Variants in STIMATE observed in about 807,000 individuals in gnomAD.
STIMATE encodes the protein store-operated calcium entry regulator STIMATE.
In STIMATE, 15 loss-of-function variants were observed where a neutral mutation model predicts 36.7. That is an observed-to-expected ratio of 0.41 (90% CI 0.27 to 0.63). The LOEUF (loss-of-function observed/expected upper bound fraction) is 0.63, where lower values mean the gene tolerates loss of function less well. Ranked by LOEUF, STIMATE falls within the 20% of genes least tolerant of loss-of-function variation. The probability of loss-of-function intolerance (pLI) is 0.32; values close to 1 mark genes in which losing one functional copy is unlikely to be tolerated. For missense variants in STIMATE, 305 were observed against 397.3 expected (o/e 0.77, Z 1.98); for synonymous variants, 163 against 162.3 (o/e 1.00, Z -0.03).
intron 1 of STIMATE, among the ~76,000 whole-genome samples, chr3:52,856,868 G>A (rs995459422): frequency 1.3e-5 from 2 of 152,178 alleles, no homozygotes; most frequent in Admixed American, 6.5e-5. Context: ...TTGAAGCTAC[G>A]TATCCTCCAC....
intron 1 of STIMATE, among the ~76,000 whole-genome samples, chr3:52,882,673 C>T (rs1701626632): frequency 6.6e-6 from 1 of 152,114 alleles, no homozygotes; most frequent in South Asian, 2.1e-4. Context: ...TTTCCTTTCC[C>T]CTATTCTACT....
chr3:52,864,094 C>T (rs538063302), intron 1 of STIMATE, among the ~76,000 whole-genome samples: 12 of 152,356 alleles, frequency 7.9e-5, no homozygotes, highest in South Asian at 2.1e-4. Context: ...CTCCACTAGG[C>T]GGTACCCCAG....
At chr3:52,875,745 A>AC (rs1288718092) in intron 1 of STIMATE, among the ~76,000 whole-genome samples, 1 of 152,108 alleles carries the variant, frequency 6.6e-6, no homozygotes, top group East Asian at 1.9e-4. Flanking sequence ...ACTAGGATAA[A>AC]CCCCCAGTGC....
rs1009835266 is a variant in STIMATE at position 52,852,826 on chromosome 3, G to C, written c.210-128C>G. 6 of 1,163,626 alleles carry C rather than the reference G, an allele frequency of 5.2e-6. No homozygotes were observed. In the African/African-American group the frequency reaches 7.8e-5, roughly 15 times the overall value. 72.1% of individuals were successfully genotyped at this position (1,163,626 alleles called of 1,614,324 possible). A position where few individuals can be genotyped will look rare whatever the true frequency, so the allele number is the denominator to read the frequency against. On this transcript the variant is annotated intron_variant, in intron 2 of 7. Transcript: ENST00000355083. ...TCCAATCACTGGTTATCTCTTCCTG[G>C]GGCCTTGAGCACTAACTCAGGCTTG...
chr3:52,886,171 C>A (rs1453921264), intron 1 of STIMATE, among the ~76,000 whole-genome samples: 1 of 152,130 alleles, frequency 6.6e-6, no homozygotes, highest in East Asian at 1.9e-4. Flanking sequence ...GTCAAAAAAA[C>A]CAAGCAGGTC....
At chr3:52,891,830 A>G (rs2106736520) in intron 1 of STIMATE, among the ~76,000 whole-genome samples, 1 of 152,334 alleles carries the variant, frequency 6.6e-6, no homozygotes, top group South Asian at 2.1e-4. Flanking sequence ...CATGAATACA[A>G]TGTAATAACA....
Position 52,839,062 on chromosome 3 carries a change from CAG to C in STIMATE, c.*1430_*1431del, listed in dbSNP as rs1700753894. On this transcript the variant is annotated 3_prime_UTR_variant, in exon 8 of 8. Transcript: ENST00000355083. ...AAACGGCTGGGGTCAGCCCATTCCA[CAG>C]TCACTCAGCAAACTCCCAAAACCAC... The C allele has an allele frequency of 1.7e-4, 1 of 5,902 alleles. No individual in the cohort carries two copies. Among genetic ancestry groups the C allele is most frequent in the Non-Finnish European group, 6.8e-3 (1 of 148 alleles). 0.4% of individuals were successfully genotyped at this position (5,902 alleles called of 1,614,324 possible).
At chr3:52,872,126 C>T (rs1701418533) in intron 1 of STIMATE, among the ~76,000 whole-genome samples, 1 of 152,112 alleles carries the variant, frequency 6.6e-6, no homozygotes. Context: ...CTTGTCCCAT[C>T]CCTCAGTCTC....
At chr3:52,867,774 A>G (rs1559495039) in intron 1 of STIMATE, among the ~76,000 whole-genome samples, 1 of 152,218 alleles carries the variant, frequency 6.6e-6, no homozygotes, top group Non-Finnish European at 1.5e-5. Context: ...AGGGTCCTTG[A>G]GTGTCCAACC....
chr3:52,841,927 T>A (rs1221541668), intron 7 of STIMATE: 2 of 152,258 alleles, frequency 1.3e-5, no homozygotes, highest in Admixed American at 6.5e-5. Flanking sequence ...ATATGACAGG[T>A]GCTGGCCAGA....
intron 1 of STIMATE, among the ~76,000 whole-genome samples, chr3:52,873,775 AG>A (rs761858025): frequency 2.0e-5 from 3 of 152,230 alleles, no homozygotes; most frequent in Non-Finnish European, 2.9e-5. Context: ...GGAAGCCCCA[AG>A]AATAATGGGG....
At position 52,843,871 on chromosome 3, in the gene STIMATE, C is replaced by T. The variant is rs539470934; in HGVS notation, c.541-73G>A. On this transcript the variant is annotated intron_variant, in intron 5 of 7. Coordinates refer to ENST00000355083, the MANE Select transcript of STIMATE (RefSeq NM_198563.5). ...TGTGCCTGGGGTGGGTGGGTGGTAC[C>T]CATAGGCCCTGAGGGAGCCTTAGCT... 2.3e-5 allele frequency: 37 copies of T among 1,596,986 alleles called. No homozygotes were observed. The African/African-American group carries it at 4.2e-4, about 18-fold the overall frequency.
chr3:52,890,883 G>A (rs551473945), intron 1 of STIMATE, among the ~76,000 whole-genome samples: 6 of 152,246 alleles, frequency 3.9e-5, no homozygotes, highest in South Asian at 2.1e-4. Flanking sequence ...GGGGTAGGGC[G>A]GGGGTGCCTT....
At chr3:52,843,021 C>A in intron 6 of STIMATE, 61 bp from the exon 7 acceptor site, 6 of 1,607,326 alleles carry the variant, frequency 3.7e-6, no homozygotes, top group Non-Finnish European at 5.1e-6. Context: ...CAAAGCCGAA[C>A]AGCCCCCATC....
rs1246365221 is a variant in STIMATE at position 52,836,750 on chromosome 3, C to T, written c.*3744G>A. ...TGTGATGGTTTCTTTTTAAAAAAAA[C>T]TGTAATAAGATGCCAAACTTTATTG... On this transcript the variant is annotated 3_prime_UTR_variant, in exon 8 of 8. Transcript: ENST00000355083. 2.7e-6 allele frequency: 1 copy of T among 368,824 alleles called. No individual in the cohort carries two copies. Among genetic ancestry groups the T allele is most frequent in the Non-Finnish European group, 5.5e-6 (1 of 181,824 alleles). 22.8% of individuals were successfully genotyped at this position (368,824 alleles called of 1,614,324 possible). A position where few individuals can be genotyped will look rare whatever the true frequency, so the allele number is the denominator to read the frequency against.
chr3:52,880,371 T>C (rs1701582693), intron 1 of STIMATE, among the ~76,000 whole-genome samples: 1 of 152,186 alleles, frequency 6.6e-6, no homozygotes, highest in Admixed American at 6.5e-5. Context: ...TAAAACACTG[T>C]CAAGAGTGGA....
At chr3:52,892,307 G>A (rs958651505) in intron 1 of STIMATE, among the ~76,000 whole-genome samples, 1 of 152,154 alleles carries the variant, frequency 6.6e-6, no homozygotes, top group Non-Finnish European at 1.5e-5. Context: ...GATTTTATTC[G>A]AAATTAATGA....
intron 1 of STIMATE, among the ~76,000 whole-genome samples, chr3:52,872,009 G>A (rs1198309705): frequency 6.6e-6 from 1 of 152,034 alleles, no homozygotes; most frequent in Non-Finnish European, 1.5e-5. Context: ...CCTTCCGTCT[G>A]GAACACTCTT....
intron 1 of STIMATE, among the ~76,000 whole-genome samples, chr3:52,867,427 A>G (rs548040728): frequency 1.2e-4 from 19 of 152,174 alleles, no homozygotes; most frequent in Admixed American, 6.5e-4. Context: ...AGGTTTCCCA[A>G]CTCTCAGGAA....
Sources: gnomAD v4.1 joint callset for allele counts (sites outside exome capture counted in the v4.1 genomes callset) on GRCh38, gnomAD v4.1.1 for gene constraint, MANE v1.5 for transcripts, NCBI Gene and HGNC (gene_info 2026-07-23, HGNC 2026-07-21) for gene names.